The following SYN3 variants were observed in gnomAD, a reference collection of about 807,000 sequenced individuals.
SYN3 encodes the protein synapsin III.
Under a neutral mutation model 65.8 loss-of-function variants are expected in SYN3, and 35 were observed. The ratio of observed to expected loss-of-function variants is 0.53; its 90% CI spans 0.41 to 0.70. SYN3 has a LOEUF of 0.70. SYN3 is among the 30% of genes least tolerant of loss of function. The pLI, the probability that SYN3 is intolerant of heterozygous loss-of-function variation, is 0.00. For synonymous variants in SYN3, 270 were observed against 292.9 expected (o/e 0.92, Z 0.80); for missense variants, 680 against 749.0 (o/e 0.91, Z 1.08).
chr22:32,699,000 A>T (rs2060775487), intron 6 of SYN3, among the ~76,000 whole-genome samples: 2 of 152,190 alleles, frequency 1.3e-5, no homozygotes, highest in Admixed American at 1.3e-4. Context: ...TAGAAAGCCA[A>T]TAAGAGATTG....
At chr22:32,779,702 C>T (rs1038538976) in intron 6 of SYN3, among the ~76,000 whole-genome samples, 3 of 152,134 alleles carry the variant, frequency 2.0e-5, no homozygotes, top group African/African-American at 7.2e-5. Flanking sequence ...CCAAGCTGTG[C>T]TTTTCTCCCA....
chr22:32,646,470 T>C (rs956677244), intron 6 of SYN3, among the ~76,000 whole-genome samples: 3 of 152,254 alleles, frequency 2.0e-5, no homozygotes, highest in African/African-American at 7.2e-5. Context: ...ATAAGGTCGC[T>C]TATTTAGTGT....
chr22:32,813,486 TACACACACACACACACACACACAC>T (rs130277), intron 6 of SYN3, among the ~76,000 whole-genome samples: 5 of 138,286 alleles, frequency 3.6e-5, no homozygotes, highest in African/African-American at 1.1e-4. Context: ...TCTGAAAAGA[TACACACACACACACACACACACAC>T]ACACACACAC....
chr22:32,964,303 A>C (rs2051755041), intron 3 of SYN3, among the ~76,000 whole-genome samples: 1 of 135,602 alleles, frequency 7.4e-6, no homozygotes, highest in African/African-American at 2.7e-5. Context: ...GGGGGGAGGG[A>C]TAGCATTAAC....
At chr22:32,534,761 A>C (rs2058135894) in intron 9 of SYN3, among the ~76,000 whole-genome samples, 1 of 152,102 alleles carries the variant, frequency 6.6e-6, no homozygotes, top group Non-Finnish European at 1.5e-5. Context: ...TCTGAGCCAC[A>C]AGTGCTGGGA....
At chr22:32,788,157 G>A (rs1393207922) in intron 6 of SYN3, among the ~76,000 whole-genome samples, 1 of 152,144 alleles carries the variant, frequency 6.6e-6, no homozygotes, top group Admixed American at 6.5e-5. Context: ...CTCTGTATCT[G>A]TGGATTCCAC....
intron 7 of SYN3, among the ~76,000 whole-genome samples, chr22:32,561,062 G>A (rs993742304): frequency 1.3e-5 from 2 of 152,186 alleles, no homozygotes; most frequent in African/African-American, 4.8e-5. Context: ...GAAAGCCTGC[G>A]GAGGAGCAGT....
chr22:32,814,218 G>A (rs1295871459), intron 6 of SYN3, among the ~76,000 whole-genome samples: 1 of 108,966 alleles, frequency 9.2e-6, no homozygotes, highest in Non-Finnish European at 1.9e-5. Flanking sequence ...AACAAAGAAA[G>A]GAAAGAAAGA....
At chr22:32,548,662 G>A (rs771983077) in intron 7 of SYN3, among the ~76,000 whole-genome samples, 64 of 152,274 alleles carry the variant, frequency 4.2e-4, no homozygotes, top group Non-Finnish European at 8.1e-4. Flanking sequence ...GTGAGCCACC[G>A]TGCCTGGCCT....
At chr22:32,956,595 T>C (rs2146859201) in intron 3 of SYN3, among the ~76,000 whole-genome samples, 1 of 152,352 alleles carries the variant, frequency 6.6e-6, no homozygotes, top group Middle Eastern at 3.4e-3. Context: ...TCATCTATAT[T>C]GTAGCATATG....
At chr22:32,596,845 TC>T in intron 6 of SYN3, 109 bp from the exon 7 acceptor site, 1 of 1,134,088 alleles carries the variant, frequency 8.8e-7, no homozygotes, top group Non-Finnish European at 1.3e-6. Context: ...TGGTCGGGAA[TC>T]CCCACAAGAA....
intron 10 of SYN3, among the ~76,000 whole-genome samples, chr22:32,530,668 T>G (rs2058053211): frequency 6.6e-6 from 1 of 151,928 alleles, no homozygotes; most frequent in African/African-American, 2.4e-5. Flanking sequence ...ATCTGTGAGT[T>G]TAAGCACCCA....
At chr22:32,975,327 A>T (rs2052152393) in intron 3 of SYN3, among the ~76,000 whole-genome samples, 1 of 150,930 alleles carries the variant, frequency 6.6e-6, no homozygotes, top group Middle Eastern at 3.4e-3. Flanking sequence ...GTGAGCGGAG[A>T]TCTCACCATT....
intron 1 of SYN3, among the ~76,000 whole-genome samples, chr22:33,028,419 G>A (rs2053675105): frequency 6.6e-6 from 1 of 152,218 alleles, no homozygotes; most frequent in Non-Finnish European, 1.5e-5. Flanking sequence ...TGTGACTTAG[G>A]GGAAGGCTGA....
At chr22:33,054,354 A>C (rs934626859) in intron 1 of SYN3, among the ~76,000 whole-genome samples, 5 of 152,192 alleles carry the variant, frequency 3.3e-5, no homozygotes, top group African/African-American at 1.2e-4. Context: ...AGTCTCTGTT[A>C]TGTGAATAGT....
chr22:32,699,089 G>A (rs16991028), intron 6 of SYN3, among the ~76,000 whole-genome samples: 20,594 of 152,174 alleles, frequency 0.14, 2,213 homozygotes, highest in East Asian at 0.6. Flanking sequence ...AAACTTGGCC[G>A]GGCTTCCCAC....
At chr22:32,661,957 T>G (rs1164371628) in intron 6 of SYN3, among the ~76,000 whole-genome samples, 1 of 152,200 alleles carries the variant, frequency 6.6e-6, no homozygotes, top group Non-Finnish European at 1.5e-5. Context: ...GGATAATTTT[T>G]TTCCATGGAA....
intron 1 of SYN3, among the ~76,000 whole-genome samples, chr22:33,046,675 T>C (rs1373310468): frequency 6.6e-6 from 1 of 151,806 alleles, no homozygotes; most frequent in Non-Finnish European, 1.5e-5. Flanking sequence ...ACCCTGTCTT[T>C]ACTAAAAATA....
intron 4 of SYN3, among the ~76,000 whole-genome samples, chr22:32,925,779 G>A (rs1384688487): frequency 6.6e-6 from 1 of 151,924 alleles, no homozygotes; most frequent in African/African-American, 2.4e-5. Flanking sequence ...AATACGTCTG[G>A]GACACTGCTT....
Sources: gnomAD v4.1 joint callset for allele counts (sites outside exome capture counted in the v4.1 genomes callset) on GRCh38, gnomAD v4.1.1 for gene constraint, MANE v1.5 for transcripts, NCBI Gene and HGNC (gene_info 2026-07-23, HGNC 2026-07-21) for gene names.